The following TMEM114 variants were observed in gnomAD, a reference collection of about 807,000 sequenced individuals.
The protein encoded by TMEM114 is transmembrane protein 114.
In TMEM114, 6 loss-of-function variants were observed where a neutral mutation model predicts 6.2. The observed-to-expected ratio is 0.97, with a 90% CI of 0.53 to 1.91. TMEM114 has a LOEUF of 1.91. Ranked by LOEUF, TMEM114 falls within the 40% of genes most tolerant of loss-of-function variation. The probability of loss-of-function intolerance (pLI) is 0.01; values close to 1 mark genes in which losing one functional copy is unlikely to be tolerated. For synonymous variants in TMEM114, 104 were observed against 73.0 expected (o/e 1.42, Z -2.16); for missense variants, 218 against 158.3 (o/e 1.38, Z -2.02).
chr16:8,543,346 T>A (rs1322747074), intron 2 of TMEM114, among the ~76,000 whole-genome samples: 1 of 152,182 alleles, frequency 6.6e-6, no homozygotes, highest in East Asian at 1.9e-4. Context: ...TCCTTTGGTG[T>A]CACTGGGGAT....
chr16:8,540,977 G>C (rs1024156403), intron 2 of TMEM114, among the ~76,000 whole-genome samples: 2 of 152,150 alleles, frequency 1.3e-5, no homozygotes, highest in African/African-American at 4.8e-5. Context: ...CATACGCATG[G>C]AACTGAAAGA....
At chr16:8,536,994 C>T (rs1032038766), downstream of TMEM114, among the ~76,000 whole-genome samples, 5 of 151,564 alleles carry the variant, frequency 3.3e-5, no homozygotes, top group African/African-American at 4.9e-5. Flanking sequence ...TCATTTGAGC[C>T]CAGGAGTTGG....
At chr16:8,556,171 C>A (rs371471028) in intron 2 of TMEM114, among the ~76,000 whole-genome samples, 2 of 152,190 alleles carry the variant, frequency 1.3e-5, no homozygotes, top group East Asian at 3.9e-4. Flanking sequence ...AGTCTGAATT[C>A]TTCTCTCCTT....
chr16:8,575,995 C>T (rs1014530576), intron 2 of TMEM114, among the ~76,000 whole-genome samples: 3 of 152,164 alleles, frequency 2.0e-5, no homozygotes, highest in African/African-American at 7.2e-5. Flanking sequence ...TGGGAACTGG[C>T]ATGGCGCTCA....
At chr16:8,581,759 T>C (rs928683230) in intron 2 of TMEM114, among the ~76,000 whole-genome samples, 36 of 152,384 alleles carry the variant, frequency 2.4e-4, no homozygotes, top group African/African-American at 7.7e-4. Flanking sequence ...CAGCCAGAAG[T>C]GGACTTACTT....
downstream of TMEM114, among the ~76,000 whole-genome samples, chr16:8,568,433 G>C (rs1427638021): frequency 1.3e-5 from 2 of 151,956 alleles, no homozygotes; most frequent in African/African-American, 4.8e-5. Context: ...CGTTGTGGTG[G>C]TGATGTCATG....
chr16:8,542,045 C>G (rs987134177), intron 2 of TMEM114, among the ~76,000 whole-genome samples: 3 of 152,120 alleles, frequency 2.0e-5, no homozygotes, highest in Non-Finnish European at 4.4e-5. Flanking sequence ...AAAAGCACGC[C>G]AACATTAGGC....
At chr16:8,583,990 G>A (rs1290256287) in intron 2 of TMEM114, among the ~76,000 whole-genome samples, 2 of 152,204 alleles carry the variant, frequency 1.3e-5, no homozygotes, top group Non-Finnish European at 2.9e-5. Flanking sequence ...TTGGCTGGAG[G>A]GATTGGCTCA....
chr16:8,541,891 C>G (rs751978968), intron 2 of TMEM114, among the ~76,000 whole-genome samples: 1 of 152,078 alleles, frequency 6.6e-6, no homozygotes, highest in South Asian at 2.1e-4. Context: ...CTTACAAAGA[C>G]GTAGCACAGG....
intron 2 of TMEM114, among the ~76,000 whole-genome samples, chr16:8,546,624 A>T (rs1900675126): frequency 6.6e-6 from 1 of 152,202 alleles, no homozygotes; most frequent in Non-Finnish European, 1.5e-5. Context: ...TCAAATAATA[A>T]CTAACAGCTT....
At chr16:8,570,126 C>A in intron 3 of TMEM114, 121 bp from the exon 4 acceptor site, 3 of 1,346,346 alleles carry the variant, frequency 2.2e-6, no homozygotes, top group South Asian at 3.0e-5. Flanking sequence ...CTTCCTGCTG[C>A]GGGACCTTTG....
chr16:8,566,069 G>T (rs1901532163), downstream of TMEM114, among the ~76,000 whole-genome samples: 1 of 152,124 alleles, frequency 6.6e-6, no homozygotes, highest in Non-Finnish European at 1.5e-5. Flanking sequence ...CGGCAGGACA[G>T]ATCGAAACAG....
intron 2 of TMEM114, among the ~76,000 whole-genome samples, chr16:8,544,201 A>G (rs1204279794): frequency 3.3e-5 from 5 of 152,248 alleles, no homozygotes; most frequent in African/African-American, 1.2e-4. Flanking sequence ...AGTAAAGCAT[A>G]TATGCAAGCC....
At chr16:8,545,564 C>T (rs1310398843) in intron 2 of TMEM114, among the ~76,000 whole-genome samples, 4 of 152,070 alleles carry the variant, frequency 2.6e-5, no homozygotes, top group South Asian at 2.1e-4. Context: ...TCAGAACCAC[C>T]CAGAGGGCTA....
the TMEM114 span, among the ~76,000 whole-genome samples, chr16:8,531,330 C>G: frequency 6.6e-6 from 1 of 152,190 alleles, no homozygotes; most frequent in African/African-American, 2.4e-5. Context: ...TTTAGTTTCT[C>G]ATATTCATTA....
intron 2 of TMEM114, among the ~76,000 whole-genome samples, chr16:8,548,581 G>C (rs1237156495): frequency 6.6e-6 from 1 of 152,036 alleles, no homozygotes; most frequent in African/African-American, 2.4e-5. Context: ...AACCATTGTA[G>C]TATCCTAGAC....
At chr16:8,550,395 T>C (rs1900802720) in intron 2 of TMEM114, among the ~76,000 whole-genome samples, 1 of 152,194 alleles carries the variant, frequency 6.6e-6, no homozygotes, top group African/African-American at 2.4e-5. Flanking sequence ...ATCTGGTCCC[T>C]CCTGGCCGGG....
At chr16:8,548,715 A>G (rs1301144217) in intron 2 of TMEM114, among the ~76,000 whole-genome samples, 1 of 126,428 alleles carries the variant, frequency 7.9e-6, no homozygotes, top group Admixed American at 8.0e-5. Flanking sequence ...CACAGAAAAA[A>G]AATACACCCA....
Position 8,560,450 on chromosome 16 carries a change from G to A in TMEM114, n.213-22624C>T, listed in dbSNP as rs1596476650. ...TGGAATCTCTAAAGTGCTTGGCCATGTTAACAAAAGTTTGCATGCCAGGGT... is the reference window on the plus strand; with the variant it reads ...TGGAATCTCTAAAGTGCTTGGCCATATTAACAAAAGTTTGCATGCCAGGGT... On this transcript the variant is annotated intron_variant and non_coding_transcript_variant, in intron 2 of 2. Coordinates refer to the TMEM114 transcript ENST00000623677. Among the ~76,000 whole-genome samples, 8 of 152,270 alleles carry A rather than the reference G, an allele frequency of 5.3e-5. No individual in the cohort carries two copies. In the South Asian group the frequency reaches 1.7e-3, roughly 32 times the overall value.
Sources: gnomAD v4.1 joint callset for allele counts (sites outside exome capture counted in the v4.1 genomes callset) on GRCh38, gnomAD v4.1.1 for gene constraint, MANE v1.5 for transcripts, NCBI Gene and HGNC (gene_info 2026-07-23, HGNC 2026-07-21) for gene names.